SP4: variants seen among roughly 807,000 people sequenced by gnomAD.
SP4 encodes the protein Sp4 transcription factor.
Under a neutral mutation model 72.8 loss-of-function variants are expected in SP4, and 19 were observed. That is an observed-to-expected ratio of 0.26 (90% CI 0.18 to 0.38). The LOEUF (loss-of-function observed/expected upper bound fraction) is 0.38, where lower values mean the gene tolerates loss of function less well. SP4 is among the 10% of genes least tolerant of loss of function. The pLI, the probability that SP4 is intolerant of heterozygous loss-of-function variation, is 1.00. For missense variants in SP4, 1,008 were observed against 926.3 expected, an observed-to-expected ratio of 1.09 and a Z score of -1.14; for synonymous variants, 395 against 333.1, an observed-to-expected ratio of 1.19 and a Z score of -2.02.
intron 3 of SP4, among the ~76,000 whole-genome samples, chr7:21,455,457 A>G (rs1783732181): frequency 6.6e-6 from 1 of 152,134 alleles, no homozygotes; most frequent in African/African-American, 2.4e-5. Context: ...GTGAAGAGAG[A>G]TCAGAGGAGG....
chr7:21,449,894 T>C (rs571011053), intron 3 of SP4, among the ~76,000 whole-genome samples: 15 of 152,336 alleles, frequency 9.8e-5, no homozygotes, highest in Admixed American at 9.8e-4. Context: ...GAATAAGGTA[T>C]TAATTTTGTT....
intron 5 of SP4, among the ~76,000 whole-genome samples, chr7:21,488,815 T>A (rs999330917): frequency 5.3e-5 from 8 of 151,988 alleles, no homozygotes; most frequent in Non-Finnish European, 7.4e-5. Context: ...TACAACTAAA[T>A]GGATAATGTC....
chr7:21,502,875 C>A (rs1027791016), intron 5 of SP4, among the ~76,000 whole-genome samples: 1 of 152,182 alleles, frequency 6.6e-6, no homozygotes, highest in Non-Finnish European at 1.5e-5. Flanking sequence ...AACCAAGAGT[C>A]TTCCAGAACT....
chr7:21,440,651 A>T (rs1425747829), intron 3 of SP4, among the ~76,000 whole-genome samples: 1 of 151,942 alleles, frequency 6.6e-6, no homozygotes, highest in Non-Finnish European at 1.5e-5. Context: ...GGAGTTTGAG[A>T]CCAGCTTGGG....
chr7:21,464,878 A>G (rs897415723), intron 3 of SP4, among the ~76,000 whole-genome samples: 19 of 152,262 alleles, frequency 1.2e-4, no homozygotes, highest in Non-Finnish European at 2.2e-4. Flanking sequence ...AAGTAGCTTT[A>G]AAACTTTTTA....
intron 3 of SP4, among the ~76,000 whole-genome samples, chr7:21,467,806 G>A (rs1784214747): frequency 6.6e-6 from 1 of 151,804 alleles, no homozygotes; most frequent in Non-Finnish European, 1.5e-5. Flanking sequence ...GCCCCCCATG[G>A]CAAGTTTTGT....
chr7:21,473,543 A>T (rs750794991), intron 3 of SP4, among the ~76,000 whole-genome samples: 4 of 152,210 alleles, frequency 2.6e-5, no homozygotes, highest in Non-Finnish European at 5.9e-5. Flanking sequence ...TGAGGTGAAG[A>T]CCAAATTATA....
chr7:21,467,476 C>T (rs1250183996), intron 3 of SP4, among the ~76,000 whole-genome samples: 1 of 152,014 alleles, frequency 6.6e-6, no homozygotes, highest in Non-Finnish European at 1.5e-5. Flanking sequence ...ATTTATATGA[C>T]CTCATAAAGA....
chr7:21,487,235 G>A (rs899145772), intron 5 of SP4, among the ~76,000 whole-genome samples: 1 of 151,990 alleles, frequency 6.6e-6, no homozygotes, highest in Non-Finnish European at 1.5e-5. Flanking sequence ...CGCTAAGGGC[G>A]CCTTTTAATC....
At position 21,503,325 on chromosome 7, in the gene SP4, G is replaced by A. The variant is rs192967642; in HGVS notation, c.2108-7697G>A. On this transcript the variant is annotated intron_variant, in intron 5 of 5. Coordinates refer to ENST00000222584, the MANE Select transcript of SP4 (RefSeq NM_003112.5). ...AATATAGGAGCCCATATAATGACTC[G>A]TAGAGGGGCAATCCCAAGTCTTTTA... 6.6e-5 allele frequency among the ~76,000 whole-genome samples: 10 copies of A among 152,274 alleles called. No individual in the cohort carries two copies. In the East Asian group the frequency reaches 7.7e-4, roughly 12 times the overall value.
At chr7:21,477,809 G>C (rs6976865) in intron 4 of SP4, among the ~76,000 whole-genome samples, 31,993 of 152,036 alleles carry the variant, frequency 0.21, 3,484 homozygotes, top group Middle Eastern at 0.42. Context: ...CCAAGTGCTG[G>C]GATTACAGGT....
At chr7:21,428,944 G>A in intron 2 of SP4, 152 bp downstream of exon 2, 1 of 673,560 alleles carries the variant, frequency 1.5e-6, no homozygotes, top group Non-Finnish European at 2.5e-6. Flanking sequence ...AATTCATCAA[G>A]TTTTCACCTC....
intron 5 of SP4, among the ~76,000 whole-genome samples, chr7:21,499,079 CA>C (rs34565680): frequency 0.17 from 17,337 of 99,556 alleles, 840 homozygotes; most frequent in African/African-American, 0.21. Context: ...GACTCTGTCT[CA>C]AAAAAAAAAA....
At chr7:21,445,854 G>T (rs1433384914) in intron 3 of SP4, among the ~76,000 whole-genome samples, 2 of 152,064 alleles carry the variant, frequency 1.3e-5, no homozygotes, top group African/African-American at 4.8e-5. Context: ...CTACCAAAGA[G>T]AATTGAAGAC....
At chr7:21,479,552 A>T (rs1784616291) in intron 4 of SP4, among the ~76,000 whole-genome samples, 1 of 152,220 alleles carries the variant, frequency 6.6e-6, no homozygotes, top group African/African-American at 2.4e-5. Context: ...TAACTTTTGA[A>T]ATCGAGAAAT....
chr7:21,490,270 A>C (rs1454948508), intron 5 of SP4, among the ~76,000 whole-genome samples: 1 of 152,178 alleles, frequency 6.6e-6, no homozygotes, highest in Non-Finnish European at 1.5e-5. Flanking sequence ...ACTGCATAGC[A>C]GGTGCAGGTA....
At chr7:21,455,429 A>G (rs1447091367) in intron 3 of SP4, among the ~76,000 whole-genome samples, 1 of 152,166 alleles carries the variant, frequency 6.6e-6, no homozygotes, top group East Asian at 1.9e-4. Context: ...TGGGGTATGG[A>G]AACATGATTA....
At chr7:21,437,659 G>A (rs1583378767) in intron 3 of SP4, among the ~76,000 whole-genome samples, 2 of 152,250 alleles carry the variant, frequency 1.3e-5, no homozygotes, top group South Asian at 4.1e-4. Flanking sequence ...ACATTTAACA[G>A]GTAAGATCCT....
chr7:21,476,554 A>G (rs1303383350), intron 3 of SP4, among the ~76,000 whole-genome samples: 5 of 152,194 alleles, frequency 3.3e-5, no homozygotes, highest in Admixed American at 1.3e-4. Flanking sequence ...TATACACTAA[A>G]AAAAGTCGAA....
Sources: allele counts gnomAD v4.1 joint callset (sites outside exome capture counted in the v4.1 genomes callset), GRCh38; gene constraint gnomAD v4.1.1; transcripts MANE v1.5; gene names NCBI Gene and HGNC (gene_info 2026-07-23, HGNC 2026-07-21).